Variants in ASIC2 observed in about 807,000 individuals in gnomAD.
ASIC2 encodes the protein acid sensing ion channel subunit 2.
In ASIC2, 25 loss-of-function variants were observed where a neutral mutation model predicts 57.3. The observed-to-expected ratio is 0.44, with a 90% CI of 0.32 to 0.61. The LOEUF (loss-of-function observed/expected upper bound fraction) is 0.61. ASIC2 is among the 20% of genes least tolerant of loss of function. ASIC2 has a pLI of 0.06. For missense variants in ASIC2, 641 were observed against 738.1 expected, an observed-to-expected ratio of 0.87 and a Z score of 1.52; for synonymous variants, 319 against 307.5, an observed-to-expected ratio of 1.04 and a Z score of -0.39.
chr17:33,770,481 A>C (rs867781729), intron 1 of ASIC2, among the ~76,000 whole-genome samples: 1 of 152,188 alleles, frequency 6.6e-6, no homozygotes, highest in African/African-American at 2.4e-5. Flanking sequence ...CACGACTGCT[A>C]TTTGACAGTA....
intron 1 of ASIC2, among the ~76,000 whole-genome samples, chr17:33,752,650 A>G (rs748254288): frequency 6.6e-6 from 1 of 152,218 alleles, no homozygotes; most frequent in Non-Finnish European, 1.5e-5. Context: ...ATCATTGAAT[A>G]ATATCCATGG....
At chr17:33,315,052 T>A (rs972245670) in intron 1 of ASIC2, among the ~76,000 whole-genome samples, 1 of 152,212 alleles carries the variant, frequency 6.6e-6, no homozygotes. Context: ...CATTCCTTAT[T>A]ATCTGTGTGA....
chr17:33,794,963 A>C (rs536433528), intron 1 of ASIC2, among the ~76,000 whole-genome samples: 55 of 152,334 alleles, frequency 3.6e-4, no homozygotes, highest in African/African-American at 1.2e-3. Context: ...TCTGTAAGAT[A>C]AGAAAATGAG....
intron 1 of ASIC2, among the ~76,000 whole-genome samples, chr17:33,842,164 T>G (rs551144840): frequency 6.6e-6 from 1 of 152,272 alleles, no homozygotes; most frequent in African/African-American, 2.4e-5. Flanking sequence ...AACATGCAGT[T>G]TATACAGCAT....
At chr17:33,119,479 C>T (rs966156785) in intron 1 of ASIC2, among the ~76,000 whole-genome samples, 3 of 152,246 alleles carry the variant, frequency 2.0e-5, no homozygotes, top group African/African-American at 7.2e-5. Flanking sequence ...GGTTACCAGG[C>T]TTCCAGTAAA....
intron 1 of ASIC2, among the ~76,000 whole-genome samples, chr17:33,453,093 C>T (rs1025516339): frequency 2.0e-5 from 3 of 152,106 alleles, no homozygotes; most frequent in African/African-American, 4.8e-5. Flanking sequence ...TGCCTTCCTT[C>T]CTTGCTGAAT....
intron 1 of ASIC2, among the ~76,000 whole-genome samples, chr17:33,538,167 A>G (rs545033827): frequency 1.3e-5 from 2 of 152,216 alleles, no homozygotes; most frequent in South Asian, 2.1e-4. Context: ...CCTGTAAATG[A>G]TCACTCTTTT....
chr17:33,835,102 A>G (rs1188980315), intron 1 of ASIC2, among the ~76,000 whole-genome samples: 1 of 152,144 alleles, frequency 6.6e-6, no homozygotes, highest in Non-Finnish European at 1.5e-5. Context: ...TGAGATTGTA[A>G]TTCAAGGGAT....
Position 33,236,784 on chromosome 17 carries a change from C to T in ASIC2, c.708+54624G>A, listed in dbSNP as rs149793880. Among the ~76,000 whole-genome samples the T allele has an allele frequency of 4.0e-3, 613 of 152,120 alleles. 4 individuals carry two copies. In the South Asian group the frequency reaches 0.048, roughly 12 times the overall value. ...TTTGGACACAGAGAGAAATGGGCCA[C>T]GTGTCAATGGAGGGAGAAATTGCAG... is the stretch of plus-strand genomic sequence containing the variant. On this transcript the variant is annotated intron_variant, in intron 1 of 9. Transcript: ENST00000225823.
At chr17:34,089,652 G>C (rs1377394451) in intron 1 of ASIC2, among the ~76,000 whole-genome samples, 1 of 152,054 alleles carries the variant, frequency 6.6e-6, no homozygotes, top group East Asian at 1.9e-4. Context: ...TTGGCCCCAG[G>C]TCCCCAGGTC....
intron 1 of ASIC2, among the ~76,000 whole-genome samples, chr17:33,803,803 C>T (rs1456246242): frequency 6.6e-6 from 1 of 151,918 alleles, no homozygotes; most frequent in African/African-American, 2.4e-5. Flanking sequence ...AGTACATTCT[C>T]CTAATTATTG....
At chr17:33,799,382 CTTT>C (rs1597880679) in intron 1 of ASIC2, among the ~76,000 whole-genome samples, 11 of 22,798 alleles carry the variant, frequency 4.8e-4, no homozygotes, top group East Asian at 9.0e-4. Context: ...TTCTTCCTTT[CTTT>C]CTTTCTTTCT....
chr17:34,032,987 T>A (rs1308423953), intron 1 of ASIC2, among the ~76,000 whole-genome samples: 1 of 152,166 alleles, frequency 6.6e-6, no homozygotes, highest in Non-Finnish European at 1.5e-5. Flanking sequence ...TATCCAGGAA[T>A]TGAACTCAGC....
chr17:34,052,064 C>T (rs1908589230), intron 1 of ASIC2, among the ~76,000 whole-genome samples: 1 of 152,108 alleles, frequency 6.6e-6, no homozygotes, highest in South Asian at 2.1e-4. Context: ...TTGATTCATC[C>T]ACTCTTTCAT....
At chr17:33,190,349 A>C (rs1906365055) in intron 1 of ASIC2, among the ~76,000 whole-genome samples, 1 of 152,208 alleles carries the variant, frequency 6.6e-6, no homozygotes, top group Non-Finnish European at 1.5e-5. Flanking sequence ...TTGTAGAGTC[A>C]TACACTAAAA....
chr17:34,150,926 A>C (rs954993176), intron 1 of ASIC2, among the ~76,000 whole-genome samples: 2 of 152,086 alleles, frequency 1.3e-5, no homozygotes, highest in Non-Finnish European at 2.9e-5. Context: ...CGGCCTGGCC[A>C]ATCTGGTGAG....
intron 1 of ASIC2, among the ~76,000 whole-genome samples, chr17:33,491,692 A>T (rs936886958): frequency 2.6e-5 from 4 of 152,164 alleles, no homozygotes; most frequent in African/African-American, 9.7e-5. Flanking sequence ...GAACGATCTC[A>T]TCCCTCTTAG....
At chr17:33,467,417 G>T (rs528141588) in intron 1 of ASIC2, among the ~76,000 whole-genome samples, 5 of 152,274 alleles carry the variant, frequency 3.3e-5, no homozygotes, top group African/African-American at 1.2e-4. Flanking sequence ...CCATCTGAAT[G>T]GATCCCTCCT....
At chr17:33,677,780 T>A (rs1907871990) in intron 1 of ASIC2, among the ~76,000 whole-genome samples, 1 of 152,236 alleles carries the variant, frequency 6.6e-6, no homozygotes, top group African/African-American at 2.4e-5. Flanking sequence ...TTGTTTTTTA[T>A]GGGTGAGCAA....
Sources: allele counts gnomAD v4.1 joint callset (sites outside exome capture counted in the v4.1 genomes callset), GRCh38; gene constraint gnomAD v4.1.1; transcripts MANE v1.5; gene names NCBI Gene and HGNC (gene_info 2026-07-23, HGNC 2026-07-21).